The following SEPTIN11 variants were observed in gnomAD, a reference collection of about 807,000 sequenced individuals.
SEPTIN11 encodes septin-11.
Under a neutral mutation model 51.4 loss-of-function variants are expected in SEPTIN11, and 25 were observed. The ratio of observed to expected loss-of-function variants is 0.49; its 90% CI spans 0.35 to 0.68. The LOEUF is 0.68. Ranked by LOEUF, SEPTIN11 falls within the 30% of genes least tolerant of loss-of-function variation. The pLI is 0.00. For synonymous variants in SEPTIN11, 174 were observed against 184.1 expected (o/e 0.95, Z 0.44); for missense variants, 381 against 520.8 (o/e 0.73, Z 2.61).
intron 1 of SEPTIN11, among the ~76,000 whole-genome samples, chr4:76,986,372 A>G (rs529644560): frequency 1.3e-5 from 2 of 151,856 alleles, no homozygotes; most frequent in East Asian, 3.9e-4. Flanking sequence ...TAGGAAGCCC[A>G]GCAGAGGAGA....
chr4:77,029,780 AC>A (rs1726466926), intron 8 of SEPTIN11, among the ~76,000 whole-genome samples: 1 of 151,432 alleles, frequency 6.6e-6, no homozygotes, highest in Non-Finnish European at 1.5e-5. Flanking sequence ...ACACACACAC[AC>A]ATATATATAC....
At chr4:76,989,129 C>T (rs2109925806) in intron 1 of SEPTIN11, among the ~76,000 whole-genome samples, 1 of 152,272 alleles carries the variant, frequency 6.6e-6, no homozygotes, top group Non-Finnish European at 1.5e-5. Flanking sequence ...AATCTCCTCA[C>T]TTTACAGAGG....
intron 8 of SEPTIN11, among the ~76,000 whole-genome samples, chr4:77,029,404 A>G (rs1726428364): frequency 6.6e-6 from 1 of 152,176 alleles, no homozygotes; most frequent in South Asian, 2.1e-4. Flanking sequence ...AATAATGAGT[A>G]TCTGAAGTGT....
At chr4:76,952,391 C>T (rs1031322403) in intron 1 of SEPTIN11, among the ~76,000 whole-genome samples, 2 of 152,156 alleles carry the variant, frequency 1.3e-5, no homozygotes, top group Non-Finnish European at 2.9e-5. Flanking sequence ...GGACATATAT[C>T]TCCTTTTGCG....
At chr4:76,963,585 G>T (rs1721906795) in intron 1 of SEPTIN11, among the ~76,000 whole-genome samples, 1 of 152,214 alleles carries the variant, frequency 6.6e-6, no homozygotes, top group Non-Finnish European at 1.5e-5. Flanking sequence ...CTATTGCATA[G>T]TTGCCATCAC....
At chr4:77,011,323 C>T (rs1724846231) in intron 3 of SEPTIN11, among the ~76,000 whole-genome samples, 1 of 152,116 alleles carries the variant, frequency 6.6e-6, no homozygotes, top group African/African-American at 2.4e-5. Flanking sequence ...CAGTTTTGGC[C>T]CAGCAGGAAA....
chr4:77,001,593 G>A (rs1414254980), intron 2 of SEPTIN11, among the ~76,000 whole-genome samples: 7 of 152,084 alleles, frequency 4.6e-5, no homozygotes, highest in African/African-American at 9.7e-5. Flanking sequence ...CAGGTGATCC[G>A]CCTGCCTCAG....
intron 1 of SEPTIN11, among the ~76,000 whole-genome samples, chr4:76,955,013 G>A (rs1311503885): frequency 6.6e-6 from 1 of 151,986 alleles, no homozygotes; most frequent in Admixed American, 6.6e-5. Context: ...TGTACAAAAA[G>A]GAAATGAAAA....
chr4:77,018,276 C>T (rs1302194439), intron 5 of SEPTIN11, among the ~76,000 whole-genome samples: 1 of 151,982 alleles, frequency 6.6e-6, no homozygotes, highest in Non-Finnish European at 1.5e-5. Flanking sequence ...CGGTGAAACC[C>T]CGTTTCTACT....
rs1269963637 is a variant in SEPTIN11 at position 77,037,645 on chromosome 4, C to G, written c.*3133C>G. On this transcript the variant is annotated 3_prime_UTR_variant, in exon 10 of 10. Coordinates refer to ENST00000264893, the MANE Select transcript of SEPTIN11 (RefSeq NM_018243.4). Reference sequence around the variant, plus strand: ...GCCTACATAACTAGCTGGCCTTACCCCATATCTTTTGTTCAAACATAATAC... The same window carrying G: ...GCCTACATAACTAGCTGGCCTTACCGCATATCTTTTGTTCAAACATAATAC... 1.0e-6 allele frequency: 1 copy of G among 985,530 alleles called. No homozygotes were observed. The highest frequency in any genetic ancestry group is 1.2e-6 in the Non-Finnish European group (1 of 829,946). The allele number at this position is 985,530 out of a possible 1,614,324, so 61.0% of individuals were successfully genotyped here.
chr4:76,994,055 A>G (rs1578154777), intron 1 of SEPTIN11, among the ~76,000 whole-genome samples: 1 of 152,102 alleles, frequency 6.6e-6, no homozygotes, highest in East Asian at 1.9e-4. Flanking sequence ...GCAATAAACC[A>G]TTCTCCCCTC....
intron 9 of SEPTIN11, 105 bp from the exon 10 acceptor site, chr4:77,034,392 A>C: frequency 1.0e-6 from 1 of 995,822 alleles, no homozygotes; most frequent in Non-Finnish European, 1.4e-6. Context: ...TAATCATTGC[A>C]TGAGCATTCA....
rs191031606 is a variant in SEPTIN11 at position 76,984,711 on chromosome 4, G to A, written c.28-11714G>A. Among the ~76,000 whole-genome samples, 1 of 152,302 alleles carries A rather than the reference G, an allele frequency of 6.6e-6. No homozygotes were observed. Among genetic ancestry groups the A allele is most frequent in the East Asian group, 1.9e-4 (1 of 5,184 alleles). On this transcript the variant is annotated intron_variant, in intron 1 of 9. Coordinates refer to ENST00000264893, the MANE Select transcript of SEPTIN11 (RefSeq NM_018243.4). The surrounding 1 kb of genome is among the most constrained non-coding windows in gnomAD (Gnocchi z 4.1). ...GAAGATATTCCATAGGATAAAGACA[G>A]GGCAGGAGGGACAAAAATGACCCAA... is the stretch of plus-strand genomic sequence containing the variant.
intron 3 of SEPTIN11, among the ~76,000 whole-genome samples, chr4:77,010,607 T>G (rs887271282): frequency 6.6e-6 from 1 of 152,216 alleles, no homozygotes; most frequent in Non-Finnish European, 1.5e-5. Flanking sequence ...TTGTTTATTT[T>G]GGGGATGTTT....
In SEPTIN11 at chr4:77,036,566, T is replaced by G; in HGVS notation, c.*2054T>G. 1 of 1,417,944 alleles carries G rather than the reference T, an allele frequency of 7.1e-7. No individual in the cohort carries two copies. Among genetic ancestry groups the G allele is most frequent in the Non-Finnish European group, 9.1e-7 (1 of 1,094,188 alleles). 87.8% of individuals were successfully genotyped at this position (1,417,944 alleles called of 1,614,324 possible). A position where few individuals can be genotyped will look rare whatever the true frequency, so the allele number is the denominator to read the frequency against. On this transcript the variant is annotated 3_prime_UTR_variant, in exon 10 of 10. Coordinates refer to ENST00000264893, the MANE Select transcript of SEPTIN11 (RefSeq NM_018243.4). ...TTGATTCCAAGATTATTGATTGGATTGACTTTTTTGCATTAAATTTTTCCC... is the reference window on the plus strand; with the variant it reads ...TTGATTCCAAGATTATTGATTGGATGGACTTTTTTGCATTAAATTTTTCCC...
chr4:76,991,799 T>C (rs748054516), intron 1 of SEPTIN11, among the ~76,000 whole-genome samples: 4 of 152,224 alleles, frequency 2.6e-5, no homozygotes, highest in Non-Finnish European at 4.4e-5. Context: ...GTAAAACCTC[T>C]TAAGGGTCGG....
intron 1 of SEPTIN11, among the ~76,000 whole-genome samples, chr4:76,995,310 AG>A (rs1287274665): frequency 1.3e-5 from 2 of 152,128 alleles, no homozygotes; most frequent in African/African-American, 4.8e-5. Flanking sequence ...TGAACCTAGG[AG>A]GCAGAGGTTG....
At chr4:76,981,636 A>T (rs755863267) in intron 1 of SEPTIN11, among the ~76,000 whole-genome samples, 4 of 152,186 alleles carry the variant, frequency 2.6e-5, no homozygotes, top group Admixed American at 2.6e-4. Flanking sequence ...TTTTTTGAGA[A>T]GGAGAACAGA....
chr4:76,988,691 A>T (rs1723179619), intron 1 of SEPTIN11, among the ~76,000 whole-genome samples: 1 of 152,206 alleles, frequency 6.6e-6, no homozygotes, highest in Non-Finnish European at 1.5e-5. Flanking sequence ...TTTTGTTTTG[A>T]GGATATAAAT....
Sources: gnomAD v4.1 joint callset for allele counts (sites outside exome capture counted in the v4.1 genomes callset) on GRCh38, gnomAD v4.1.1 for gene constraint, Gnocchi (gnomAD v3.1) non-coding constraint, MANE v1.5 for transcripts, NCBI Gene and HGNC (gene_info 2026-07-23, HGNC 2026-07-21) for gene names.